The following AMY2B variants were observed in gnomAD, a reference collection of about 807,000 sequenced individuals.
AMY2B encodes the protein alpha-amylase 2B.
In AMY2B, 63 loss-of-function variants were observed where a neutral mutation model predicts 59.3. The ratio of observed to expected loss-of-function variants is 1.06; its 90% CI spans 0.87 to 1.31. The LOEUF is 1.31. AMY2B is among the 50% of genes most tolerant of loss of function. The pLI is 0.00. For missense variants in AMY2B, 635 were observed against 626.7 expected (o/e 1.01, Z -0.14); for synonymous variants, 180 against 198.1 (o/e 0.91, Z 0.77).
intron 2 of AMY2B, 31 bp downstream of exon 2, chr1:103,572,287 A>G (rs1360064540): frequency 1.1e-5 from 17 of 1,602,954 alleles, no homozygotes; most frequent in Non-Finnish European, 1.4e-5. Context: ...TTGAAAAATA[A>G]CAGATAGGAA....
At position 103,573,940 on chromosome 1, in the gene AMY2B, T is replaced by C; in HGVS notation, c.744+2T>C. The C allele has an allele frequency of 6.2e-7, 1 of 1,613,722 alleles. No individual in the cohort carries two copies. Among genetic ancestry groups the C allele is most frequent in the Middle Eastern group, 1.7e-4 (1 of 6,040 alleles). ...AGTAAACCTTTCATTTACCAGGAGG[T>C]ACATCAATACATATATGCATATAAA... On this transcript the variant is annotated splice_donor_variant, in intron 4 of 9. Coordinates refer to ENST00000684275, the MANE Select transcript of AMY2B (RefSeq NM_001387437.1). LOFTEE classifies it high-confidence loss of function.
chr1:103,573,350 G>A (rs1469809475), intron 3 of AMY2B, 90 bp downstream of exon 3: 39 of 1,590,620 alleles, frequency 2.5e-5, no homozygotes, highest in East Asian at 1.1e-4. Context: ...TTTTAAATAC[G>A]AATTTAGATC....
rs373215753 is a variant in AMY2B, at chr1:103,562,672, CTT to C, written c.-206-2746_-206-2745del. ...CGAATGACATTAATAGATAACTTGT[CTT>C]TTTTTTTTTTTTTTTTGTCAATGTT... On this transcript the variant is annotated intron_variant, in intron 1 of 11. Coordinates refer to the AMY2B transcript ENST00000361355. 1.7e-3 allele frequency among the ~76,000 whole-genome samples: 186 copies of C among 111,926 alleles called. 1 individual carries two copies. The highest frequency in any genetic ancestry group is 4.4e-3 in the African/African-American group (133 of 29,904). 73.4% of individuals were successfully genotyped at this position (111,926 alleles called of 152,430 possible).
rs563654323 is a variant in AMY2B at position 103,555,768 on chromosome 1, G to A, written c.-207+659G>A. On this transcript the variant is annotated intron_variant, in intron 1 of 11. Transcript: ENST00000361355. ...GAAGACAACTCTTAAAGAGTCTTGC[G>A]TTCAAGGGGTTGTGAGAAATGGGTT... Among the ~76,000 whole-genome samples the A allele has an allele frequency of 5.3e-5, 8 of 152,252 alleles. No homozygotes were observed. In the South Asian group the frequency reaches 1.0e-3, roughly 20 times the overall value.
chr1:103,578,852 T>C (rs1652464566), intron 9 of AMY2B, among the ~76,000 whole-genome samples: 1 of 113,310 alleles, frequency 8.8e-6, no homozygotes, highest in African/African-American at 3.4e-5. Context: ...CTTTAAATTT[T>C]AGGGTACGGG....
intron 9 of AMY2B, 131 bp from the exon 10 acceptor site, chr1:103,579,180 A>G (rs1570652452): frequency 6.5e-7 from 1 of 1,550,362 alleles, no homozygotes; most frequent in East Asian, 2.3e-5. Flanking sequence ...CTAGGGAGGC[A>G]TATGGGTTTT....
At chr1:103,558,631 G>A (rs760352978) in intron 1 of AMY2B, among the ~76,000 whole-genome samples, 2 of 151,866 alleles carry the variant, frequency 1.3e-5, no homozygotes, top group Non-Finnish European at 2.9e-5. Context: ...GGCATAATTA[G>A]TCATGCTTGT....
chr1:103,567,063 AAAG>A (rs1651933077), upstream of AMY2B, among the ~76,000 whole-genome samples: 1 of 152,188 alleles, frequency 6.6e-6, no homozygotes, highest in Admixed American at 6.5e-5. Flanking sequence ...TATACTTACA[AAAG>A]AAGTCAAATA....
chr1:103,571,845 A>G, intron 1 of AMY2B, 75 bp downstream of exon 1: 2 of 1,611,036 alleles, frequency 1.2e-6, no homozygotes, highest in South Asian at 1.1e-5. Context: ...TTATCCGTGA[A>G]GCTTAGGCAA....
At chr1:103,570,758 A>C (rs1230132842), upstream of AMY2B, 2 of 494,852 alleles carry the variant, frequency 4.0e-6, no homozygotes, top group East Asian at 1.2e-4. Flanking sequence ...CATACACCTC[A>C]TGCTAGCCTC....
chr1:103,575,042 GTGTT>G lies in AMY2B; in HGVS notation c.879-177_879-174del, dbSNP rs971122526. 3.4e-3 allele frequency among the ~76,000 whole-genome samples: 443 copies of G among 131,218 alleles called. 1 individual carries two copies. Among genetic ancestry groups the G allele is most frequent in the Non-Finnish European group, 5.1e-3 (327 of 63,658 alleles). 86.1% of individuals were successfully genotyped at this position (131,218 alleles called of 152,430 possible). On this transcript the variant is annotated intron_variant, in intron 5 of 9. Coordinates refer to ENST00000684275, the MANE Select transcript of AMY2B (RefSeq NM_001387437.1). ...TGTGTGTGTATATATATTTGAGTGT[GTGTT>G]TGTGTGTGTGTATGTATATATATAT...
intron 1 of AMY2B, among the ~76,000 whole-genome samples, chr1:103,557,524 C>T (rs1272240765): frequency 1.3e-5 from 2 of 151,862 alleles, no homozygotes; most frequent in Non-Finnish European, 2.9e-5. Flanking sequence ...CATGGTGGCT[C>T]ATGCCTGTGG....
chr1:103,562,336 G>C (rs995030496), intron 1 of AMY2B, among the ~76,000 whole-genome samples: 5 of 152,116 alleles, frequency 3.3e-5, no homozygotes, highest in African/African-American at 1.2e-4. Flanking sequence ...TTGATTATCT[G>C]TGCTTTCTTT....
chr1:103,571,582 C>T, upstream of AMY2B: 1 of 1,609,588 alleles, frequency 6.2e-7, no homozygotes, highest in Non-Finnish European at 8.5e-7. Flanking sequence ...CTGGAAAGGA[C>T]ACTGACAACT....
upstream of AMY2B, chr1:103,570,917 T>C (rs11807489): frequency 0.02 from 7,150 of 352,582 alleles, 455 homozygotes; most frequent in African/African-American, 0.14. Flanking sequence ...GATTTCAGTC[T>C]TTAGTACATG....
intron 2 of AMY2B, 108 bp from the exon 3 acceptor site, chr1:103,572,955 T>C (rs1652194404): frequency 3.8e-6 from 6 of 1,587,526 alleles, no homozygotes; most frequent in South Asian, 2.3e-5. Context: ...TTATAAGATA[T>C]CATGAAATAT....
At chr1:103,574,125 AAG>A (rs1370169612) in intron 4 of AMY2B, 133 bp from the exon 5 acceptor site, 36 of 1,477,776 alleles carry the variant, frequency 2.4e-5, no homozygotes, top group Middle Eastern at 2.5e-4. Context: ...ACAAGACAAA[AAG>A]AAATAATAAA....
chr1:103,576,196 A>T (rs981538152), intron 7 of AMY2B, among the ~76,000 whole-genome samples: 4 of 152,120 alleles, frequency 2.6e-5, no homozygotes, highest in Non-Finnish European at 5.9e-5. Flanking sequence ...GGTTTTCTTT[A>T]AACTAAAGGG....
At chr1:103,572,998 A>G in intron 2 of AMY2B, 65 bp from the exon 3 acceptor site, 1 of 1,610,900 alleles carries the variant, frequency 6.2e-7, no homozygotes, top group Non-Finnish European at 8.5e-7. Context: ...ATAAACTTGA[A>G]TCAATAATGC....
Sources: allele counts gnomAD v4.1 joint callset (sites outside exome capture counted in the v4.1 genomes callset), GRCh38; gene constraint gnomAD v4.1.1; transcripts MANE v1.5; gene names NCBI Gene and HGNC (gene_info 2026-07-23, HGNC 2026-07-21).